The following FNDC1 variants were observed in gnomAD, a reference collection of about 807,000 sequenced individuals.
FNDC1 encodes the protein fibronectin type III domain containing 1.
FNDC1 carries 96 observed loss-of-function variants against 168.0 expected under a neutral mutation model. That is an observed-to-expected ratio of 0.57 (90% CI 0.48 to 0.68). FNDC1 has a LOEUF of 0.68. Among genes scored for constraint, FNDC1 ranks in the 30% least tolerant of loss-of-function variants. The pLI, the probability that FNDC1 is intolerant of heterozygous loss-of-function variation, is 0.00. For missense variants in FNDC1, 2,587 were observed against 2,482.1 expected, an observed-to-expected ratio of 1.04 and a Z score of -0.90; for synonymous variants, 1,099 against 1,025.9, an observed-to-expected ratio of 1.07 and a Z score of -1.36.
rs201458814 is a variant in FNDC1 at position 159,200,052 on chromosome 6, C to T, written c.361C>T (p.Arg121Cys). 74 of 1,603,602 alleles carry T rather than the reference C, an allele frequency of 4.6e-5. No individual in the cohort carries two copies. The African/African-American group carries it at 5.6e-4, about 12-fold the overall frequency. The change falls in exon 3 of 23, where the codon CGT (arginine) becomes TGT (cysteine). Residue 121 changes from arginine (R) to cysteine (C), a missense_variant. By Grantham distance (180) the Arg-to-Cys change is radical. Coordinates refer to ENST00000297267, the MANE Select transcript of FNDC1 (RefSeq NM_032532.3). ...LTAENHSGVS[R>C]PVYRAESPPG... ...TGCAGAAAACCACAGTGGAGTGAGC[C>T]GTCCTGTTTACAGAGCTGAAAGCCC...
chr6:159,198,363 C>T (rs1454916921), intron 2 of FNDC1, among the ~76,000 whole-genome samples: 5 of 152,300 alleles, frequency 3.3e-5, no homozygotes, highest in Admixed American at 3.3e-4. Context: ...CACTTTGATC[C>T]TTTAGTGGAT....
chr6:159,225,454 A>T (rs1173354300), intron 7 of FNDC1, 81 bp from the exon 8 acceptor site: 3 of 1,160,224 alleles, frequency 2.6e-6, no homozygotes, highest in Non-Finnish European at 3.6e-6. Flanking sequence ...GTCATCACTT[A>T]TGAGGAAGGA....
intron 1 of FNDC1, among the ~76,000 whole-genome samples, chr6:159,183,780 C>T (rs551999358): frequency 2.1e-4 from 32 of 152,214 alleles, no homozygotes; most frequent in Admixed American, 1.6e-3. Context: ...TAGGAGGAGG[C>T]GCTCACTGTT....
chr6:159,252,512 T>G (rs897424589), intron 17 of FNDC1, among the ~76,000 whole-genome samples: 1 of 152,194 alleles, frequency 6.6e-6, no homozygotes. Context: ...AGAAGGCTTC[T>G]GGGTATTCTG....
chr6:159,200,594 C>T lies in FNDC1; in HGVS notation c.460+13C>T. 6.4e-7 allele frequency: 1 copy of T among 1,573,216 alleles called. No individual in the cohort carries two copies. The highest frequency in any genetic ancestry group is 8.7e-7 in the Non-Finnish European group (1 of 1,155,586). On this transcript the variant is annotated intron_variant, in intron 4 of 22. Transcript: ENST00000297267. ...GAAACCGTCACAGGTACTACTTCCT[C>T]CTTCATGTCAGATTCATGTTTTCAC...
intron 6 of FNDC1, among the ~76,000 whole-genome samples, 198 bp from the exon 7 acceptor site, chr6:159,223,330 G>A (rs1782877431): frequency 6.6e-6 from 1 of 151,748 alleles, no homozygotes; most frequent in East Asian, 1.9e-4. Context: ...TTTAAGAAAT[G>A]CAAGACTGAG....
At chr6:159,199,211 A>G (rs146339744) in intron 2 of FNDC1, among the ~76,000 whole-genome samples, 1 of 152,332 alleles carries the variant, frequency 6.6e-6, no homozygotes, top group African/African-American at 2.4e-5. Flanking sequence ...CCTAGTACTT[A>G]GTAGGGTTTT....
intron 19 of FNDC1, among the ~76,000 whole-genome samples, chr6:159,264,114 G>A (rs545750168): frequency 3.9e-5 from 6 of 152,374 alleles, no homozygotes; most frequent in Admixed American, 3.9e-4. Flanking sequence ...CCTACTTGAA[G>A]TGTACATCTT....
In FNDC1 at chr6:159,249,099, C is replaced by A; in HGVS notation, c.4751C>A (p.Thr1584Lys). The A allele has an allele frequency of 6.2e-7, 1 of 1,608,072 alleles. No individual in the cohort carries two copies. Residue 1584 changes from threonine (T) to lysine (K), a missense_variant, in exon 16 of 23, where the codon ACA becomes AAA. By Grantham distance (78) the Thr-to-Lys change is moderately conservative. Transcript: ENST00000297267. ...ACTGAGCCTTCGACCACTGCTACCA[C>A]ACCGAGGGTGATCCCAGAGGAAGGC... Reference protein sequence around the residue: ...TTTEPSTTATTPRVIPEEGAI... With the variant: ...TTTEPSTTATKPRVIPEEGAI...
chr6:159,201,712 A>G (rs1301234976), intron 4 of FNDC1, among the ~76,000 whole-genome samples: 2 of 152,228 alleles, frequency 1.3e-5, no homozygotes, highest in African/African-American at 4.8e-5. Flanking sequence ...GCAAAAGAAG[A>G]AAAGGTGTTT....
chr6:159,177,481 G>A (rs1459155438), intron 1 of FNDC1, among the ~76,000 whole-genome samples: 2 of 152,134 alleles, frequency 1.3e-5, no homozygotes, highest in Admixed American at 6.5e-5. Flanking sequence ...GGTGTGGTCA[G>A]GTGTGGTGTC....
At chr6:159,199,454 A>G (rs1376576912) in intron 2 of FNDC1, among the ~76,000 whole-genome samples, 1 of 152,266 alleles carries the variant, frequency 6.6e-6, no homozygotes, top group Non-Finnish European at 1.5e-5. Context: ...CAACATGCAG[A>G]CATAGTAAGG....
intron 21 of FNDC1, 99 bp from the exon 22 acceptor site, chr6:159,267,705 G>T: frequency 7.9e-7 from 1 of 1,270,840 alleles, no homozygotes; most frequent in Non-Finnish European, 1.1e-6. Context: ...TAAGTAATAT[G>T]CTGAATTCAA....
intron 14 of FNDC1, among the ~76,000 whole-genome samples, chr6:159,244,447 C>G (rs996740983): frequency 6.6e-6 from 1 of 152,240 alleles, no homozygotes; most frequent in African/African-American, 2.4e-5. Flanking sequence ...AGGGCCATCT[C>G]TTGGGCCTCA....
intron 14 of FNDC1, among the ~76,000 whole-genome samples, chr6:159,241,892 C>T (rs1442327121): frequency 2.0e-5 from 3 of 152,226 alleles, no homozygotes; most frequent in African/African-American, 7.2e-5. Context: ...TCCATCACCT[C>T]CCAAAGTTCC....
rs146200659 is a variant in FNDC1, at chr6:159,217,613, T to C, written c.667+2462T>C. Among the ~76,000 whole-genome samples the C allele has an allele frequency of 4.4e-3, 671 of 152,300 alleles. 6 individuals carry two copies. Among genetic ancestry groups the C allele is most frequent in the African/African-American group, 0.015 (643 of 41,568 alleles). On this transcript the variant is annotated intron_variant, in intron 5 of 22. Transcript: ENST00000297267. ...GTTCAGCCACCTGCTGAAGACTGTC[T>C]TGGAGGAGCTCTGCTGCCTGGTGGG...
intron 14 of FNDC1, among the ~76,000 whole-genome samples, chr6:159,244,467 C>T (rs1029922124): frequency 2.0e-5 from 3 of 152,198 alleles, no homozygotes; most frequent in African/African-American, 7.2e-5. Flanking sequence ...AGAATAGGAG[C>T]TGGGGGCTTC....
chr6:159,237,393 G>A (rs1198104807), intron 12 of FNDC1, among the ~76,000 whole-genome samples: 1 of 152,126 alleles, frequency 6.6e-6, no homozygotes, highest in Non-Finnish European at 1.5e-5. Context: ...TATCTGACAA[G>A]TTCCTATGTG....
intron 10 of FNDC1, 71 bp downstream of exon 10, chr6:159,230,074 A>G: frequency 6.9e-7 from 1 of 1,440,330 alleles, no homozygotes; most frequent in Non-Finnish European, 9.4e-7. Flanking sequence ...GTTCCTTTGA[A>G]TCATGCTCTT....
Sources: allele counts gnomAD v4.1 joint callset (sites outside exome capture counted in the v4.1 genomes callset), GRCh38; gene constraint gnomAD v4.1.1; transcripts MANE v1.5; gene names NCBI Gene and HGNC (gene_info 2026-07-23, HGNC 2026-07-21).